Variants in SERPINI1 observed in about 807,000 individuals in gnomAD.
The protein encoded by SERPINI1 is serpin family I member 1.
In SERPINI1, 19 loss-of-function variants were observed where a neutral mutation model predicts 41.1. That is an observed-to-expected ratio of 0.46 (90% CI 0.32 to 0.68). SERPINI1 has a LOEUF of 0.68. SERPINI1 is among the 30% of genes least tolerant of loss of function. The pLI is 0.03. For missense variants in SERPINI1, 460 were observed against 479.2 expected, an observed-to-expected ratio of 0.96 and a Z score of 0.37; for synonymous variants, 138 against 156.6, an observed-to-expected ratio of 0.88 and a Z score of 0.89.
At chr3:167,768,000 G>A (rs989111256) in intron 1 of SERPINI1, among the ~76,000 whole-genome samples, 3 of 152,330 alleles carry the variant, frequency 2.0e-5, no homozygotes, top group African/African-American at 7.2e-5. Context: ...AGTTGATAAA[G>A]CAATGGTAGG....
intron 6 of SERPINI1, among the ~76,000 whole-genome samples, chr3:167,820,822 G>T (rs557102887): frequency 2.0e-5 from 3 of 152,340 alleles, no homozygotes; most frequent in Non-Finnish European, 2.9e-5. Context: ...GAGGCCTGGG[G>T]TCCAGGCTGC....
chr3:167,752,417 C>A (rs1349790977), intron 1 of SERPINI1, among the ~76,000 whole-genome samples: 1 of 152,186 alleles, frequency 6.6e-6, no homozygotes, highest in Non-Finnish European at 1.5e-5. Flanking sequence ...CACCTACCTA[C>A]CCAGCTGGCT....
intron 6 of SERPINI1, among the ~76,000 whole-genome samples, chr3:167,818,681 G>T (rs1227876748): frequency 6.6e-6 from 1 of 151,870 alleles, no homozygotes; most frequent in Non-Finnish European, 1.5e-5. Flanking sequence ...TAAGTACCTT[G>T]CAATATCCCT....
intron 1 of SERPINI1, among the ~76,000 whole-genome samples, chr3:167,784,103 C>T (rs992727322): frequency 7.2e-5 from 11 of 151,808 alleles, no homozygotes; most frequent in African/African-American, 2.7e-4. Flanking sequence ...TAAGAAAAAC[C>T]TGCAGAGCTG....
intron 1 of SERPINI1, among the ~76,000 whole-genome samples, chr3:167,772,591 A>G (rs1193559342): frequency 1.3e-5 from 2 of 151,922 alleles, no homozygotes; most frequent in African/African-American, 4.8e-5. Flanking sequence ...TGCAGGGCTA[A>G]TTGTCTGTAT....
intron 5 of SERPINI1, 63 bp downstream of exon 5, chr3:167,794,887 C>A: frequency 7.4e-7 from 1 of 1,343,144 alleles, no homozygotes; most frequent in Non-Finnish European, 1.1e-6. Flanking sequence ...GAAAATCTGA[C>A]CCAGAAAAAC....
rs540128754 is a variant in SERPINI1 at position 167,771,214 on chromosome 3, A to C, written c.-18-17897A>C. 9.8e-5 allele frequency among the ~76,000 whole-genome samples: 15 copies of C among 152,328 alleles called. No homozygotes were observed. In the South Asian group the frequency reaches 2.1e-3, roughly 21 times the overall value. ...TAATTGCCCACCTGTGAAATGCTATATATCTGAAATTACTTGTTGTGGCAT... is the reference window on the plus strand; with the variant it reads ...TAATTGCCCACCTGTGAAATGCTATCTATCTGAAATTACTTGTTGTGGCAT... On this transcript the variant is annotated intron_variant, in intron 1 of 8. Coordinates refer to ENST00000446050, the MANE Select transcript of SERPINI1 (RefSeq NM_001122752.2).
At chr3:167,781,825 C>T (rs2108552054) in intron 1 of SERPINI1, among the ~76,000 whole-genome samples, 1 of 151,848 alleles carries the variant, frequency 6.6e-6, no homozygotes, top group East Asian at 1.9e-4. Flanking sequence ...AGATGAACTA[C>T]CAGGGAAGTT....
chr3:167,781,930 T>C (rs1251162897), intron 1 of SERPINI1, among the ~76,000 whole-genome samples: 1 of 152,116 alleles, frequency 6.6e-6, no homozygotes, highest in Non-Finnish European at 1.5e-5. Flanking sequence ...CTTGTTTTAA[T>C]GAAGTGTTTT....
chr3:167,774,647 A>G (rs1418837437), intron 1 of SERPINI1, among the ~76,000 whole-genome samples: 1 of 152,170 alleles, frequency 6.6e-6, no homozygotes. Context: ...CAGCAGCATT[A>G]GATTCTCATA....
intron 6 of SERPINI1, among the ~76,000 whole-genome samples, chr3:167,813,697 C>T (rs1711970610): frequency 6.6e-6 from 1 of 152,140 alleles, no homozygotes; most frequent in Admixed American, 6.5e-5. Context: ...TTCTCCTAGA[C>T]TATTTGTTTA....
chr3:167,749,110 T>G lies in SERPINI1; in HGVS notation c.-19+13287T>G, dbSNP rs532510426. ...TGTTATTAAAAATTACTCACTGAGA[T>G]ATTGATATATCACTATTTTGAAATT... On this transcript the variant is annotated intron_variant, in intron 1 of 8. Transcript: ENST00000446050. Among the ~76,000 whole-genome samples, 11 of 152,362 alleles carry G rather than the reference T, an allele frequency of 7.2e-5. No individual in the cohort carries two copies. In the South Asian group the frequency reaches 1.9e-3, roughly 26 times the overall value.
At chr3:167,757,735 A>G (rs1369387409) in intron 1 of SERPINI1, among the ~76,000 whole-genome samples, 3 of 152,230 alleles carry the variant, frequency 2.0e-5, no homozygotes, top group Admixed American at 1.3e-4. Flanking sequence ...CCTGACTAAC[A>G]TGGCAAAATC....
At chr3:167,804,568 T>A (rs1041318683) in intron 5 of SERPINI1, among the ~76,000 whole-genome samples, 5 of 152,196 alleles carry the variant, frequency 3.3e-5, no homozygotes, top group Admixed American at 2.6e-4. Flanking sequence ...CATGGTGTTT[T>A]ATGTCTGTAG....
rs141371005 is a variant in SERPINI1 at position 167,793,596 on chromosome 3, A to ATTTTTTTTTTTTTT, written c.676+817_676+818insTTTTTTTTTTTTTT. ...TACAAATATATATATATATATATATATTTTTAATTAGCTAGGCATAATGGT... is the reference window on the plus strand; with the variant it reads ...TACAAATATATATATATATATATATATTTTTTTTTTTTTTTTTTTAATTAGCTAGGCATAATGGT... On this transcript the variant is annotated intron_variant, in intron 4 of 8. Transcript: ENST00000446050. Among the ~76,000 whole-genome samples the ATTTTTTTTTTTTTT allele has an allele frequency of 5.9e-3, 836 of 140,568 alleles. 18 individuals are homozygous for ATTTTTTTTTTTTTT. Among genetic ancestry groups the ATTTTTTTTTTTTTT allele is most frequent in the African/African-American group, 0.022 (799 of 36,514 alleles). The allele number at this position is 140,568 out of a possible 152,430, so 92.2% of individuals were successfully genotyped here.
chr3:167,775,630 A>G (rs2108548719), intron 1 of SERPINI1, among the ~76,000 whole-genome samples: 1 of 152,306 alleles, frequency 6.6e-6, no homozygotes, highest in Middle Eastern at 3.4e-3. Context: ...AAAAAATTAG[A>G]AACTGTAATA....
At chr3:167,769,118 C>T (rs997831165) in intron 1 of SERPINI1, among the ~76,000 whole-genome samples, 22 of 152,054 alleles carry the variant, frequency 1.4e-4, no homozygotes, top group African/African-American at 5.1e-4. Context: ...CTCAGCCTCC[C>T]GAGTAGCTGG....
intron 8 of SERPINI1, 69 bp from the exon 9 acceptor site, chr3:167,825,178 G>A (rs1201772245): frequency 2.0e-6 from 2 of 989,612 alleles, no homozygotes; most frequent in African/African-American, 3.2e-5. Flanking sequence ...TTAATTGTAA[G>A]CAAGAAGGAA....
chr3:167,792,809 C>G (rs1292952637), intron 4 of SERPINI1, 25 bp downstream of exon 4: 4 of 1,562,642 alleles, frequency 2.6e-6, no homozygotes, highest in Non-Finnish European at 3.5e-6. Flanking sequence ...GCTTTTATTT[C>G]TCTCTTCTTG....
Sources: gnomAD v4.1 joint callset for allele counts (sites outside exome capture counted in the v4.1 genomes callset) on GRCh38, gnomAD v4.1.1 for gene constraint, MANE v1.5 for transcripts, NCBI Gene and HGNC (gene_info 2026-07-23, HGNC 2026-07-21) for gene names.